The following ASTN1 variants were observed in gnomAD, a reference collection of about 807,000 sequenced individuals.
ASTN1 encodes astrotactin-1.
In ASTN1, 41 loss-of-function variants were observed where a neutral mutation model predicts 140.7. The observed-to-expected ratio is 0.29, with a 90% confidence interval of 0.23 to 0.38. ASTN1 has a LOEUF of 0.38. Among genes scored for constraint, ASTN1 ranks in the 10% least tolerant of loss-of-function variants. ASTN1 has a pLI of 1.00. For missense variants in ASTN1, 1,479 were observed against 1,678.8 expected, an observed-to-expected ratio of 0.88 and a Z score of 2.08; for synonymous variants, 640 against 652.2, an observed-to-expected ratio of 0.98 and a Z score of 0.29.
chr1:177,025,099 A>G (rs895219285), intron 5 of ASTN1, among the ~76,000 whole-genome samples: 1 of 152,154 alleles, frequency 6.6e-6, no homozygotes, highest in East Asian at 1.9e-4. Context: ...ATCCCACACT[A>G]TACCTCCCAT....
rs1223138800 is a variant in ASTN1, at chr1:176,946,005, G to C, written c.2170C>G (p.Leu724Val). ...TAACCAAAGAACATCTCCCCAAAGA[G>C]GGTCTGGTTCATGGGAAGCTCCCTG... The part of the protein sequence containing the change: ...ESRELPMNQT[L>V]FGEMFFGYNN... Residue 724 changes from leucine to valine, a missense_variant, in exon 13 of 23, where the codon CTC (leucine) becomes GTC (valine). This residue lies in a region of ASTN1 where 746 missense variants were observed against 800.9 expected (regional missense o/e 0.93). Transcript: ENST00000361833. 1.2e-6 allele frequency: 2 copies of C among 1,614,130 alleles called. No homozygotes were observed. Among genetic ancestry groups the C allele is most frequent in the African/African-American group, 2.7e-5 (2 of 75,058 alleles).
At chr1:176,978,712 T>C (rs1440886553) in intron 8 of ASTN1, among the ~76,000 whole-genome samples, 1 of 152,060 alleles carries the variant, frequency 6.6e-6, no homozygotes. Context: ...TCTGGCAAGG[T>C]GTGCGGCAGG....
intron 16 of ASTN1, among the ~76,000 whole-genome samples, chr1:176,919,597 C>G (rs1013012525): frequency 1.3e-5 from 2 of 152,178 alleles, no homozygotes; most frequent in African/African-American, 4.8e-5. Flanking sequence ...ACACAATACC[C>G]AGAGGGAGTT....
intron 11 of ASTN1, among the ~76,000 whole-genome samples, chr1:176,953,601 C>T (rs1189579392): frequency 6.6e-6 from 1 of 152,194 alleles, no homozygotes; most frequent in Non-Finnish European, 1.5e-5. Flanking sequence ...CACTCTTCTG[C>T]TTACTGTCCT....
chr1:176,883,898 C>A (rs1162756605), intron 19 of ASTN1, among the ~76,000 whole-genome samples: 5 of 152,120 alleles, frequency 3.3e-5, no homozygotes, highest in Non-Finnish European at 2.9e-5. Flanking sequence ...AAGACATGGG[C>A]CAAACACATC....
At chr1:176,885,283 A>G (rs1431055218) in intron 18 of ASTN1, among the ~76,000 whole-genome samples, 1 of 152,190 alleles carries the variant, frequency 6.6e-6, no homozygotes, top group East Asian at 1.9e-4. Context: ...CAAGTTGTCC[A>G]CATTTACCAC....
downstream of ASTN1, among the ~76,000 whole-genome samples, chr1:176,858,658 TAAAC>T (rs1667879115): frequency 6.6e-6 from 1 of 152,136 alleles, no homozygotes; most frequent in Non-Finnish European, 1.5e-5. Flanking sequence ...GCTAAACAAC[TAAAC>T]AAACAAGAAT....
chr1:177,016,410 G>T (rs916716988), intron 7 of ASTN1, among the ~76,000 whole-genome samples: 1 of 152,128 alleles, frequency 6.6e-6, no homozygotes, highest in East Asian at 1.9e-4. Context: ...ATCCACAGTA[G>T]GTTCAAGTTT....
chr1:176,872,718 T>G (rs1668400674), intron 21 of ASTN1, among the ~76,000 whole-genome samples: 1 of 152,056 alleles, frequency 6.6e-6, no homozygotes, highest in Non-Finnish European at 1.5e-5. Context: ...CTCTTCTCCC[T>G]CCCACTGTTC....
At chr1:176,975,297 G>T (rs1298477660) in intron 8 of ASTN1, among the ~76,000 whole-genome samples, 1 of 152,208 alleles carries the variant, frequency 6.6e-6, no homozygotes, top group Non-Finnish European at 1.5e-5. Flanking sequence ...CAAGTGGCAA[G>T]GGTGAACAAG....
At chr1:176,984,688 G>A (rs61577256) in intron 8 of ASTN1, among the ~76,000 whole-genome samples, 24,324 of 152,136 alleles carry the variant, frequency 0.16, 2,027 homozygotes, top group Admixed American at 0.19. Context: ...TCTGATTTGA[G>A]CTAAAATCTG....
chr1:176,861,972 G>C lies in ASTN1; in HGVS notation c.*2312C>G. Reference sequence around the variant, plus strand: ...GTCAACTCCCACATCATCCACTTCTGGGCAGGAAGGCATCGGCAGCCTCAC... The same window carrying C: ...GTCAACTCCCACATCATCCACTTCTCGGCAGGAAGGCATCGGCAGCCTCAC... On this transcript the variant is annotated 3_prime_UTR_variant, in exon 23 of 23. Coordinates refer to ENST00000361833, the MANE Select transcript of ASTN1 (RefSeq NM_004319.3). The C allele has an allele frequency of 1.0e-6, 1 of 985,500 alleles. No individual in the cohort carries two copies. The allele number at this position is 985,500 out of a possible 1,614,324, so 61.0% of individuals were successfully genotyped here. A position where few individuals can be genotyped will look rare whatever the true frequency, so the allele number is the denominator to read the frequency against.
intron 8 of ASTN1, among the ~76,000 whole-genome samples, chr1:176,969,276 C>T (rs1245526256): frequency 6.6e-6 from 1 of 152,206 alleles, no homozygotes. Flanking sequence ...TCCCTTTGCT[C>T]TGTTTCTCAG....
chr1:176,990,064 G>A (rs1370954872), intron 8 of ASTN1, among the ~76,000 whole-genome samples: 1 of 151,836 alleles, frequency 6.6e-6, no homozygotes, highest in African/African-American at 2.4e-5. Flanking sequence ...TATTAAAAAT[G>A]CTAATACTAC....
chr1:176,886,672 C>T (rs4652203), intron 18 of ASTN1, among the ~76,000 whole-genome samples: 127,295 of 152,218 alleles, frequency 0.84, 53,387 homozygotes, highest in Middle Eastern at 0.95. Context: ...CATTCTCCTC[C>T]TTCCTCTGAT....
intron 1 of ASTN1, among the ~76,000 whole-genome samples, chr1:177,071,589 C>A (rs1330272937): frequency 6.6e-6 from 1 of 152,128 alleles, no homozygotes; most frequent in African/African-American, 2.4e-5. Context: ...CCTTGCTGAC[C>A]CTGAGCACTG....
chr1:176,906,956 A>G (rs1670032351), intron 16 of ASTN1, among the ~76,000 whole-genome samples: 1 of 152,190 alleles, frequency 6.6e-6, no homozygotes, highest in Non-Finnish European at 1.5e-5. Context: ...GCTGGTATAA[A>G]TTAGGAGAGA....
chr1:177,037,380 A>T (rs1676771227), intron 2 of ASTN1, among the ~76,000 whole-genome samples: 1 of 152,178 alleles, frequency 6.6e-6, no homozygotes, highest in African/African-American at 2.4e-5. Context: ...CTCCAAAAAG[A>T]CCTCTACTCA....
At chr1:176,956,920 C>T (rs6687812) in intron 11 of ASTN1, among the ~76,000 whole-genome samples, 13,476 of 152,134 alleles carry the variant, frequency 0.089, 1,076 homozygotes, top group African/African-American at 0.22. Context: ...TTTTAAGAGA[C>T]AGGGTCTCAC....
Sources: allele counts gnomAD v4.1 joint callset (sites outside exome capture counted in the v4.1 genomes callset), GRCh38; gene constraint gnomAD v4.1.1; regional missense constraint gnomAD v4.1.1; transcripts MANE v1.5; gene names NCBI Gene and HGNC (gene_info 2026-07-23, HGNC 2026-07-21).